The following FHIT variants were observed in gnomAD, a reference collection of about 807,000 sequenced individuals.
The protein encoded by FHIT is fragile histidine triad diadenosine triphosphatase.
In FHIT, 19 loss-of-function variants were observed where a neutral mutation model predicts 17.9. The ratio of observed to expected loss-of-function variants is 1.06; its 90% CI spans 0.74 to 1.56. The LOEUF (loss-of-function observed/expected upper bound fraction) is 1.56. Ranked by LOEUF, FHIT falls within the 40% of genes most tolerant of loss-of-function variation. FHIT has a pLI of 0.00. For missense variants in FHIT, 248 were observed against 189.2 expected (o/e 1.31, Z -1.82); for synonymous variants, 81 against 69.7 (o/e 1.16, Z -0.81).
rs547591257 is a variant in FHIT, at chr3:60,489,916, A to G, written c.103+46944T>C. Among the ~76,000 whole-genome samples, 16 of 152,146 alleles carry G rather than the reference A, an allele frequency of 1.1e-4. No homozygotes were observed. In the South Asian group the frequency reaches 3.1e-3, roughly 30 times the overall value. On this transcript the variant is annotated intron_variant, in intron 5 of 9. Coordinates refer to ENST00000492590, the MANE Select transcript of FHIT (RefSeq NM_002012.4). ...ACCAAGTCATCTGCTTGGAGTTTTT[A>G]TTACTCCAAGTTCTGTTATAAACTG...
chr3:60,001,979 T>C (rs1699747696), intron 7 of FHIT, among the ~76,000 whole-genome samples: 1 of 152,158 alleles, frequency 6.6e-6, no homozygotes, highest in African/African-American at 2.4e-5. Flanking sequence ...GAACACGAAC[T>C]GATATATGGA....
At chr3:60,696,627 A>G (rs781795493) in intron 4 of FHIT, among the ~76,000 whole-genome samples, 1 of 152,174 alleles carries the variant, frequency 6.6e-6, no homozygotes, top group African/African-American at 2.4e-5. Flanking sequence ...GCCATCCACA[A>G]AAGGAAAGAG....
intron 7 of FHIT, among the ~76,000 whole-genome samples, chr3:59,956,622 C>T (rs1286358066): frequency 1.3e-5 from 2 of 152,058 alleles, no homozygotes; most frequent in South Asian, 2.1e-4. Flanking sequence ...GAGCCAAGAT[C>T]GCGCCACTGC....
At chr3:60,962,911 C>T (rs1709533823) in intron 3 of FHIT, among the ~76,000 whole-genome samples, 1 of 152,282 alleles carries the variant, frequency 6.6e-6, no homozygotes, top group East Asian at 1.9e-4. Flanking sequence ...GTCTCACTGC[C>T]AGGCTTTGAT....
intron 5 of FHIT, among the ~76,000 whole-genome samples, chr3:60,475,258 C>T (rs1212753459): frequency 6.6e-6 from 1 of 152,060 alleles, no homozygotes; most frequent in Non-Finnish European, 1.5e-5. Context: ...GAAAAGGAGA[C>T]AAAGCAAAGG....
intron 8 of FHIT, among the ~76,000 whole-genome samples, chr3:59,786,571 G>A (rs1168723432): frequency 6.6e-6 from 1 of 152,212 alleles, no homozygotes; most frequent in Non-Finnish European, 1.5e-5. Flanking sequence ...TTCAACTGTT[G>A]CCAGGGTGAG....
At chr3:60,525,529 A>G (rs1402980131) in intron 5 of FHIT, among the ~76,000 whole-genome samples, 1 of 152,144 alleles carries the variant, frequency 6.6e-6, no homozygotes, top group Admixed American at 6.5e-5. Flanking sequence ...CTACCATTAT[A>G]TTCTTTGCCA....
At chr3:60,401,754 C>A (rs146807934) in intron 5 of FHIT, among the ~76,000 whole-genome samples, 163 of 152,236 alleles carry the variant, frequency 1.1e-3, no homozygotes, top group African/African-American at 3.7e-3. Context: ...TTTGAACATT[C>A]CAAATTCTGG....
intron 3 of FHIT, among the ~76,000 whole-genome samples, chr3:60,991,464 T>C (rs1293337081): frequency 6.6e-6 from 1 of 152,322 alleles, no homozygotes; most frequent in Non-Finnish European, 1.5e-5. Flanking sequence ...TTTTAAAAAT[T>C]ACAGCTGTCT....
intron 8 of FHIT, among the ~76,000 whole-genome samples, chr3:59,820,562 A>C (rs1700752509): frequency 6.6e-6 from 1 of 152,234 alleles, no homozygotes; most frequent in African/African-American, 2.4e-5. Flanking sequence ...ATTATAAATA[A>C]AGTTTTATTG....
chr3:59,902,162 G>A (rs910729075), intron 8 of FHIT, among the ~76,000 whole-genome samples: 16 of 152,036 alleles, frequency 1.1e-4, no homozygotes, highest in African/African-American at 2.7e-4. Flanking sequence ...ATATTTTTCC[G>A]AAGGGGACAT....
intron 5 of FHIT, among the ~76,000 whole-genome samples, chr3:60,074,282 A>G (rs1315814171): frequency 1.3e-5 from 2 of 151,982 alleles, no homozygotes; most frequent in Admixed American, 1.3e-4. Context: ...CAAATGTTAA[A>G]CCTTTGTTCA....
chr3:60,246,294 C>A (rs1475129532), intron 5 of FHIT, among the ~76,000 whole-genome samples: 1 of 151,980 alleles, frequency 6.6e-6, no homozygotes, highest in Non-Finnish European at 1.5e-5. Flanking sequence ...AGGAGGAAAA[C>A]CAAATCATTT....
At chr3:60,407,657 A>T (rs1378246378) in intron 5 of FHIT, among the ~76,000 whole-genome samples, 4 of 152,046 alleles carry the variant, frequency 2.6e-5, no homozygotes, top group African/African-American at 9.7e-5. Flanking sequence ...TGGGATTACA[A>T]GTGTGTGCCA....
intron 3 of FHIT, among the ~76,000 whole-genome samples, chr3:60,847,147 AG>A (rs377140762): frequency 4.2e-4 from 64 of 152,316 alleles, no homozygotes; most frequent in African/African-American, 1.5e-3. Flanking sequence ...CATAAGCAAA[AG>A]CATCATCCAC....
chr3:61,060,570 A>C (rs2106695111), intron 2 of FHIT, among the ~76,000 whole-genome samples: 1 of 152,210 alleles, frequency 6.6e-6, no homozygotes, highest in African/African-American at 2.4e-5. Flanking sequence ...ATCTGTGTGT[A>C]CTCCTCATTA....
intron 4 of FHIT, among the ~76,000 whole-genome samples, chr3:60,645,758 A>C (rs2039841375): frequency 6.6e-6 from 1 of 152,122 alleles, no homozygotes; most frequent in Non-Finnish European, 1.5e-5. Flanking sequence ...ATATTTTACT[A>C]TACGGTTTCT....
chr3:60,736,664 T>A (rs1241386206), intron 4 of FHIT, among the ~76,000 whole-genome samples: 1 of 152,220 alleles, frequency 6.6e-6, no homozygotes, highest in African/African-American at 2.4e-5. Flanking sequence ...TGACTGTTAA[T>A]GGCTAGGGGT....
chr3:60,521,322 A>C (rs1245383837), intron 5 of FHIT, among the ~76,000 whole-genome samples: 5 of 151,966 alleles, frequency 3.3e-5, no homozygotes, highest in African/African-American at 7.3e-5. Flanking sequence ...ATCTCGGCTC[A>C]CTGCAAGCTC....
Sources: allele counts gnomAD v4.1 joint callset (sites outside exome capture counted in the v4.1 genomes callset), GRCh38; gene constraint gnomAD v4.1.1; transcripts MANE v1.5; gene names NCBI Gene and HGNC (gene_info 2026-07-23, HGNC 2026-07-21).